PRR16: variants seen among roughly 807,000 people sequenced by gnomAD.
The protein encoded by PRR16 is proline rich 16.
A neutral mutation model predicts 18.2 loss-of-function variants in PRR16; 6 were observed. The ratio of observed to expected loss-of-function variants is 0.33; its 90% confidence interval spans 0.18 to 0.65. PRR16 has a LOEUF of 0.65. Among genes scored for constraint, PRR16 ranks in the 30% least tolerant of loss-of-function variants. The pLI, the probability that PRR16 is intolerant of heterozygous loss-of-function variation, is 0.74. For missense variants in PRR16, 412 were observed against 376.6 expected, an observed-to-expected ratio of 1.09 and a Z score of -0.78; for synonymous variants, 151 against 147.8, an observed-to-expected ratio of 1.02 and a Z score of -0.16.
intron 1 of PRR16, among the ~76,000 whole-genome samples, chr5:120,472,259 C>A (rs925509065): frequency 6.6e-6 from 1 of 152,094 alleles, no homozygotes; most frequent in African/African-American, 2.4e-5. Flanking sequence ...CTGACAGGTT[C>A]TTTTTGTAGT....
the PRR16 span, among the ~76,000 whole-genome samples, chr5:120,775,777 C>A: frequency 0.052 from 7,756 of 148,614 alleles, 254 homozygotes; most frequent in Middle Eastern, 0.15. Flanking sequence ...ATTACAGGCA[C>A]CTGCTGCTAC....
chr5:120,688,590 C>G (rs747233488), downstream of PRR16, among the ~76,000 whole-genome samples: 1 of 152,124 alleles, frequency 6.6e-6, no homozygotes, highest in Non-Finnish European at 1.5e-5. Flanking sequence ...ATAATTACTT[C>G]CTTTCACATG....
the PRR16 span, among the ~76,000 whole-genome samples, chr5:120,692,813 TAAC>T: frequency 6.6e-6 from 1 of 152,196 alleles, no homozygotes; most frequent in South Asian, 2.1e-4. Flanking sequence ...TGGGGGGAAT[TAAC>T]AACATTTAAT....
At chr5:120,754,238 AATT>A in the PRR16 span, among the ~76,000 whole-genome samples, 1 of 18,038 alleles carries the variant, frequency 5.5e-5, no homozygotes, top group Non-Finnish European at 9.6e-5. Flanking sequence ...TATAATATAT[AATT>A]AGATATTATA....
the PRR16 span, among the ~76,000 whole-genome samples, chr5:120,763,179 C>T: frequency 6.6e-6 from 1 of 151,916 alleles, no homozygotes; most frequent in Non-Finnish European, 1.5e-5. Flanking sequence ...CAGTGTCTCA[C>T]TCTGTCACCC....
intron 1 of PRR16, among the ~76,000 whole-genome samples, chr5:120,541,612 A>G (rs1484893508): frequency 6.6e-6 from 1 of 152,234 alleles, no homozygotes; most frequent in Non-Finnish European, 1.5e-5. Flanking sequence ...GCTACAGCAG[A>G]TTCGGGCTTT....
intron 1 of PRR16, among the ~76,000 whole-genome samples, chr5:120,667,386 T>C (rs1756426814): frequency 6.6e-6 from 1 of 152,160 alleles, no homozygotes; most frequent in African/African-American, 2.4e-5. Context: ...TCAATTTTGT[T>C]GATCCTTTTA....
intron 1 of PRR16, among the ~76,000 whole-genome samples, chr5:120,646,169 C>CT (rs1412000010): frequency 6.7e-6 from 1 of 149,920 alleles, no homozygotes; most frequent in Non-Finnish European, 1.5e-5. Context: ...TGACAATAAT[C>CT]TCTGTGGTTA....
At chr5:120,767,269 A>AT in the PRR16 span, among the ~76,000 whole-genome samples, 1 of 151,982 alleles carries the variant, frequency 6.6e-6, no homozygotes, top group South Asian at 2.1e-4. Context: ...AGATTGCAGG[A>AT]TTTTAGGACA....
intron 1 of PRR16, among the ~76,000 whole-genome samples, chr5:120,649,067 C>G (rs1290308331): frequency 6.6e-6 from 1 of 152,088 alleles, no homozygotes; most frequent in African/African-American, 2.4e-5. Flanking sequence ...AATTGGCTCA[C>G]AAATTCCAGA....
At chr5:120,664,455 T>TG (rs1184578874) in intron 1 of PRR16, among the ~76,000 whole-genome samples, 1 of 29,256 alleles carries the variant, frequency 3.4e-5, no homozygotes, top group African/African-American at 4.9e-5. Flanking sequence ...AAAATGTTTT[T>TG]GTTTTTTTTT....
intron 1 of PRR16, among the ~76,000 whole-genome samples, chr5:120,483,456 C>G (rs1469909337): frequency 4.0e-5 from 6 of 151,890 alleles, no homozygotes; most frequent in African/African-American, 1.4e-4. Context: ...AACATACATA[C>G]ATACATACAA....
At chr5:120,676,524 G>A (rs2405962) in intron 1 of PRR16, among the ~76,000 whole-genome samples, 761 of 15,698 alleles carry the variant, frequency 0.048, 5 homozygotes, top group African/African-American at 0.15. Context: ...ATATATATAT[G>A]TGTGTGTGTG....
At chr5:120,544,368 C>T (rs1039314624) in intron 1 of PRR16, among the ~76,000 whole-genome samples, 7 of 152,114 alleles carry the variant, frequency 4.6e-5, no homozygotes, top group African/African-American at 1.7e-4. Flanking sequence ...ATTAAATATT[C>T]AGTATGCCGG....
chr5:120,666,087 T>C (rs1178533037), intron 1 of PRR16, among the ~76,000 whole-genome samples: 4 of 152,162 alleles, frequency 2.6e-5, no homozygotes, highest in African/African-American at 9.7e-5. Flanking sequence ...TTCCTACCCA[T>C]GAGCATGGAA....
intron 1 of PRR16, among the ~76,000 whole-genome samples, chr5:120,657,152 C>T (rs534445981): frequency 1.1e-4 from 17 of 152,032 alleles, no homozygotes; most frequent in East Asian, 5.8e-4. Flanking sequence ...CTGTTTTGCT[C>T]ATAGAGCTCT....
chr5:120,494,525 T>C (rs968173907), intron 1 of PRR16, among the ~76,000 whole-genome samples: 1 of 152,112 alleles, frequency 6.6e-6, no homozygotes, highest in Non-Finnish European at 1.5e-5. Flanking sequence ...CTTTGTCAGA[T>C]ATAGGGTTTG....
chr5:120,624,804 C>T (rs1342682643), intron 1 of PRR16, among the ~76,000 whole-genome samples: 3 of 152,070 alleles, frequency 2.0e-5, no homozygotes, highest in Non-Finnish European at 2.9e-5. Context: ...CCATAATTCC[C>T]ACATGTTGTG....
At chr5:120,758,494 C>T in the PRR16 span, among the ~76,000 whole-genome samples, 8 of 152,224 alleles carry the variant, frequency 5.3e-5, no homozygotes, top group East Asian at 1.9e-4. Flanking sequence ...TTTGTGTCCC[C>T]ACCCAAATCT....
Sources: gnomAD v4.1 joint callset for allele counts (sites outside exome capture counted in the v4.1 genomes callset) on GRCh38, gnomAD v4.1.1 for gene constraint, MANE v1.5 for transcripts, NCBI Gene and HGNC (gene_info 2026-07-23, HGNC 2026-07-21) for gene names.